SUPT16H: variants seen among roughly 807,000 people sequenced by gnomAD.
The protein encoded by SUPT16H is SPT16 homolog, facilitates chromatin remodeling subunit.
SUPT16H carries 24 observed loss-of-function variants against 136.2 expected under a neutral mutation model. The ratio of observed to expected loss-of-function variants is 0.18; its 90% confidence interval spans 0.13 to 0.25. SUPT16H has a LOEUF of 0.25. SUPT16H is among the 10% of genes least tolerant of loss of function. The probability of loss-of-function intolerance (pLI) is 1.00; values close to 1 mark genes in which losing one functional copy is unlikely to be tolerated. For synonymous variants in SUPT16H, 415 were observed against 428.2 expected (o/e 0.97, Z 0.38); for missense variants, 623 against 1,270.2 (o/e 0.49, Z 7.74).
At chr14:21,377,903 C>A (rs867369086) in intron 1 of SUPT16H, among the ~76,000 whole-genome samples, 1 of 152,084 alleles carries the variant, frequency 6.6e-6, no homozygotes, top group South Asian at 2.1e-4. Flanking sequence ...ATATTACAGG[C>A]GTGAATGAAC....
At position 21,364,835 on chromosome 14, in the gene SUPT16H, C is replaced by G. The variant is rs948357750; in HGVS notation, c.1225G>C (p.Val409Leu). Residue 409 changes from valine (V) to leucine (L), a missense_variant, in exon 10 of 26, where the codon GTG becomes CTG. By Grantham distance (32) the Val-to-Leu change is conservative. Transcript: ENST00000216297. ...YALFIGDTVL[V>L]DEDGPATVLT... The stretch of plus-strand genomic sequence containing the variant: ...TTAGACACAATACACACCTCATCCA[C>G]AAGCACTGTGTCACCAATGAACAGG... The G allele has an allele frequency of 1.1e-5, 17 of 1,612,012 alleles. No individual in the cohort carries two copies. The highest frequency in any genetic ancestry group is 1.4e-5 in the Non-Finnish European group (17 of 1,179,764).
chr14:21,380,090 C>T (rs1312544457), intron 1 of SUPT16H, among the ~76,000 whole-genome samples: 1 of 152,064 alleles, frequency 6.6e-6, no homozygotes, highest in Non-Finnish European at 1.5e-5. Context: ...TATGTCATTA[C>T]CCCCTAAAAA....
At chr14:21,365,239 A>G in intron 8 of SUPT16H, 96 bp from the exon 9 acceptor site, 3 of 1,192,692 alleles carry the variant, frequency 2.5e-6, no homozygotes, top group Non-Finnish European at 3.6e-6. Flanking sequence ...TAAGACAGGC[A>G]AACATGTTTG....
intron 1 of SUPT16H, among the ~76,000 whole-genome samples, chr14:21,374,648 G>A (rs1025968659): frequency 3.9e-5 from 6 of 152,158 alleles, no homozygotes; most frequent in East Asian, 1.9e-4. Flanking sequence ...GTTGTGACAC[G>A]TATCAACACT....
intron 22 of SUPT16H, 57 bp downstream of exon 22, chr14:21,357,140 A>T: frequency 6.9e-7 from 1 of 1,454,800 alleles, no homozygotes; most frequent in Non-Finnish European, 9.1e-7. Context: ...ACCACATTCA[A>T]ATTCTATAAA....
At chr14:21,380,067 CCAAA>C (rs1443633368) in intron 1 of SUPT16H, among the ~76,000 whole-genome samples, 11 of 152,098 alleles carry the variant, frequency 7.2e-5, no homozygotes, top group East Asian at 5.8e-4. Flanking sequence ...ATTAAAATGG[CCAAA>C]CATTTTTCTA....
intron 2 of SUPT16H, chr14:21,372,396 G>A (rs1424645253): frequency 3.2e-6 from 1 of 311,940 alleles, no homozygotes; most frequent in East Asian, 8.5e-5. Context: ...ACAGAACCCT[G>A]CGTTATTACC....
chr14:21,362,924 T>C lies in SUPT16H; in HGVS notation c.1535A>G (p.Tyr512Cys), dbSNP rs1886587946. Residue 512 changes from tyrosine to cysteine, a missense_variant, in exon 14 of 26, where the codon TAT (tyrosine) becomes TGT (cysteine). This residue lies in a region of SUPT16H where 62 missense variants were observed against 200.5 expected (regional missense o/e 0.31). Transcript: ENST00000216297. ...IQKARKSNVS[Y>C]KNPSLMPKEP... ...CTTAGGCATCAGAGATGGGTTTTTA[T>C]AGGACACATTAGACTTGCGAGCTCT... 1 of 1,613,378 alleles carries C rather than the reference T, an allele frequency of 6.2e-7. No homozygotes were observed. Among genetic ancestry groups the C allele is most frequent in the Non-Finnish European group, 8.5e-7 (1 of 1,179,852 alleles).
intron 22 of SUPT16H, 84 bp downstream of exon 22, chr14:21,357,113 G>A (rs1886451980): frequency 7.5e-7 from 1 of 1,342,042 alleles, no homozygotes. Flanking sequence ...TATATCAGTA[G>A]ATTTTATGCA....
chr14:21,365,187 T>G, intron 8 of SUPT16H, 44 bp from the exon 9 acceptor site: 11 of 1,534,994 alleles, frequency 7.2e-6, no homozygotes, highest in African/African-American at 1.4e-5. Flanking sequence ...TAAAGATCTC[T>G]AACATGGATC....
At chr14:21,360,335 C>T (rs1305010143) in intron 18 of SUPT16H, 80 bp downstream of exon 18, 2 of 1,164,656 alleles carry the variant, frequency 1.7e-6, no homozygotes, top group Non-Finnish European at 2.5e-6. Flanking sequence ...GCCCTTTCAT[C>T]ACTATTTTAT....
chr14:21,370,276 A>C, intron 4 of SUPT16H, 60 bp downstream of exon 4: 1 of 1,565,034 alleles, frequency 6.4e-7, no homozygotes, highest in East Asian at 2.2e-5. Flanking sequence ...TCTGTTATGG[A>C]AGCCCATCAC....
Position 21,353,573 on chromosome 14 carries a change from A to C in SUPT16H, c.2921-8T>G. The C allele has an allele frequency of 6.2e-7, 1 of 1,613,256 alleles. No individual in the cohort carries two copies. The highest frequency in any genetic ancestry group is 8.5e-7 in the Non-Finnish European group (1 of 1,179,732). On this transcript the variant is annotated splice_region_variant and splice_polypyrimidine_tract_variant and intron_variant, in intron 24 of 25. Transcript: ENST00000216297. Reference sequence around the variant, plus strand: ...ATGACTCCTTAGAATAGTCTGGAAGAAAATTAATTAAGCGTTAGTCATCAT... The same window carrying C: ...ATGACTCCTTAGAATAGTCTGGAAGCAAATTAATTAAGCGTTAGTCATCAT...
intron 15 of SUPT16H, 98 bp from the exon 16 acceptor site, chr14:21,361,311 CTTTTTTTTTTTTT>C (rs35486887): frequency 2.2e-6 from 1 of 460,542 alleles, no homozygotes; most frequent in Non-Finnish European, 3.3e-6. Flanking sequence ...CTCTACTTTG[CTTTTTTTTTTTTT>C]TTTTTTTTTT....
In SUPT16H at chr14:21,369,840, G is replaced by A. The variant is rs759642838; in HGVS notation, c.540C>T (p.Leu180=). 50 of 1,614,022 alleles carry A rather than the reference G, an allele frequency of 3.1e-5. 1 individual carries two copies. In the South Asian group the frequency reaches 5.5e-4, roughly 18 times the overall value. The change falls in exon 5 of 26, where the codon CTC becomes CTT. Residue 180 remains leucine (L), a synonymous_variant. Transcript: ENST00000216297. Reference sequence around the variant, plus strand: ...TGCTGGCTGCTTTCTTCATTAGGTTGAGCTCCCCATCCTCCTTTACAGCGA... The same window carrying A: ...TGCTGGCTGCTTTCTTCATTAGGTTAAGCTCCCCATCCTCCTTTACAGCGA... ...YTIAVKEDGE[L]NLMKKAASIT... is the part of the protein sequence containing the mutation.
rs1886373964 is a variant in SUPT16H, at chr14:21,353,852, T to C, written c.2791-20A>G. ...ACTCCCCTGGTGAGTTAGAGCATAA[T>C]ACTGATTTTTTTTTGACATTTACCT... On this transcript the variant is annotated intron_variant, in intron 23 of 25. Coordinates refer to ENST00000216297, the MANE Select transcript of SUPT16H (RefSeq NM_007192.4). 1 of 1,599,158 alleles carries C rather than the reference T, an allele frequency of 6.3e-7. No individual in the cohort carries two copies. Among genetic ancestry groups the C allele is most frequent in the African/African-American group, 1.4e-5 (1 of 73,968 alleles).
chr14:21,365,205 A>G, intron 8 of SUPT16H, 62 bp from the exon 9 acceptor site: 3 of 1,446,644 alleles, frequency 2.1e-6, no homozygotes, highest in Non-Finnish European at 2.9e-6. Context: ...ATCAAGCATA[A>G]CATATTCATT....
At chr14:21,374,784 T>C (rs574701695) in intron 1 of SUPT16H, among the ~76,000 whole-genome samples, 6 of 152,330 alleles carry the variant, frequency 3.9e-5, no homozygotes, top group Admixed American at 6.5e-5. Context: ...CCATGAACAT[T>C]TGAATATGTT....
Position 21,353,830 on chromosome 14 carries a change from C to T in SUPT16H, c.2793G>A (p.Gly931=), listed in dbSNP as rs776048665. 3.1e-6 allele frequency: 5 copies of T among 1,612,336 alleles called. No homozygotes were observed. The Admixed American group carries it at 6.7e-5, about 22-fold the overall frequency. ...GWSFLEPEGE[G]SDAEEGDSES... is the part of the protein sequence containing the mutation. ...CTGAATCCCCTTCTTCAGCATCACT[C>T]CCCTGGTGAGTTAGAGCATAATACT... is the stretch of plus-strand genomic sequence containing the variant. Residue 931 remains glycine, a splice_region_variant and synonymous_variant, in exon 24 of 26, where the codon GGG becomes GGA. Transcript: ENST00000216297.
Sources: gnomAD v4.1 joint callset for allele counts (sites outside exome capture counted in the v4.1 genomes callset) on GRCh38, gnomAD v4.1.1 for gene constraint, gnomAD v4.1.1 regional missense constraint, MANE v1.5 for transcripts, NCBI Gene and HGNC (gene_info 2026-07-23, HGNC 2026-07-21) for gene names.